HSP90B1: variants seen among roughly 807,000 people sequenced by gnomAD.
HSP90B1 encodes the protein heat shock protein 90 beta family member 1.
HSP90B1 carries 27 observed loss-of-function variants against 100.4 expected under a neutral mutation model. That is an observed-to-expected ratio of 0.27 (90% CI 0.20 to 0.37). The LOEUF (loss-of-function observed/expected upper bound fraction) is 0.37, where lower values mean the gene tolerates loss of function less well. Among genes scored for constraint, HSP90B1 ranks in the 10% least tolerant of loss-of-function variants. HSP90B1 has a pLI of 1.00. For missense variants in HSP90B1, 678 were observed against 960.5 expected (o/e 0.71, Z 3.89); for synonymous variants, 304 against 330.8 (o/e 0.92, Z 0.88).
At chr12:103,941,954 C>CA (rs1303380796) in intron 11 of HSP90B1, 57 bp downstream of exon 11, 1 of 1,316,844 alleles carries the variant, frequency 7.6e-7, no homozygotes, top group Non-Finnish European at 1.1e-6. Flanking sequence ...GTTCAGAGGA[C>CA]AGGCTCCATT....
chr12:103,946,654 T>TC lies in HSP90B1; in HGVS notation c.2067dup (p.Arg690GlnfsTer13). 1 of 1,614,050 alleles carries TC rather than the reference T, an allele frequency of 6.2e-7. No individual in the cohort carries two copies. The highest frequency in any genetic ancestry group is 8.5e-7 in the Non-Finnish European group (1 of 1,179,910). ...GTCAGAAGAAAACATTTGAAATTAA[T>TC]CCCAGACACCCGCTGATCAGAGACA... On this transcript the variant is annotated frameshift_variant, in exon 15 of 18. Transcript: ENST00000299767. LOFTEE classifies it high-confidence loss of function.
intron 7 of HSP90B1, chr12:103,938,740 A>T (rs751001852): frequency 5.6e-5 from 10 of 178,318 alleles, no homozygotes; most frequent in Non-Finnish European, 9.4e-5. Context: ...AATCTTAAAA[A>T]GCCTTCTGAG....
At chr12:103,942,289 AG>A (rs1870102106) in intron 11 of HSP90B1, among the ~76,000 whole-genome samples, 1 of 152,200 alleles carries the variant, frequency 6.6e-6, no homozygotes, top group Admixed American at 6.5e-5. Flanking sequence ...CTAGAGAGAG[AG>A]TATCACTGAG....
At chr12:103,933,115 G>C (rs1473859107) in intron 4 of HSP90B1, among the ~76,000 whole-genome samples, 173 bp downstream of exon 4, 2 of 152,206 alleles carry the variant, frequency 1.3e-5, no homozygotes, top group Non-Finnish European at 2.9e-5. Flanking sequence ...GTTTTTCTAA[G>C]TAGTTTTATT....
rs767871489 is a variant in HSP90B1, at chr12:103,930,577, G to A, written c.49+13G>A. The A allele has an allele frequency of 1.9e-6, 3 of 1,606,406 alleles. No individual in the cohort carries two copies. In the South Asian group the frequency reaches 3.3e-5, roughly 18 times the overall value. ...CTGCTGACCTTCGGTGAGTGATTCT[G>A]GAGGAGCAGACGTCCCCCCTCCACA... On this transcript the variant is annotated intron_variant, in intron 1 of 17. Coordinates refer to ENST00000299767, the MANE Select transcript of HSP90B1 (RefSeq NM_003299.3). The surrounding 1 kb of genome is among the most constrained non-coding windows in gnomAD (Gnocchi z 4.4).
At chr12:103,941,585 G>C (rs1265079141) in intron 9 of HSP90B1, 38 bp downstream of exon 9, 2 of 1,613,692 alleles carry the variant, frequency 1.2e-6, no homozygotes, top group African/African-American at 2.7e-5. Flanking sequence ...TTTAAAATTT[G>C]AAAGTTTAAT....
In HSP90B1 at chr12:103,938,464, G is replaced by A; in HGVS notation, c.975+5G>A. 1 of 1,609,224 alleles carries A rather than the reference G, an allele frequency of 6.2e-7. No individual in the cohort carries two copies. The highest frequency in any genetic ancestry group is 8.5e-7 in the Non-Finnish European group (1 of 1,178,082). ...AAGAAACCAAAGACTAAAAAAGTAA[G>A]TCTGGTTTATCTCCCTGCATAAGAT... On this transcript the variant is annotated splice_donor_5th_base_variant and intron_variant, in intron 7 of 17. Transcript: ENST00000299767.
chr12:103,943,043 T>C lies in HSP90B1; in HGVS notation c.1645-31T>C, dbSNP rs201242253. 1.2e-3 allele frequency: 1,900 copies of C among 1,610,598 alleles called. 26 individuals carry two copies. Among genetic ancestry groups the C allele is most frequent in the South Asian group, 0.011 (1,004 of 90,518 alleles). On this transcript the variant is annotated intron_variant, in intron 12 of 17. Coordinates refer to ENST00000299767, the MANE Select transcript of HSP90B1 (RefSeq NM_003299.3). The surrounding 1 kb of genome is among the most constrained non-coding windows in gnomAD (Gnocchi z 5.3). ...TAAACAAATACACCAGGGCCAGACT[T>C]GGAAAACTTTGTGACTTCTTAATTT...
In HSP90B1 at chr12:103,943,918, C is replaced by A. The variant is rs749880115; in HGVS notation, c.2027+44C>A. On this transcript the variant is annotated intron_variant, in intron 14 of 17. Transcript: ENST00000299767. This position sits in a 1 kb window ranked among gnomAD's most constrained non-coding sequence, Gnocchi z 5.3. Reference sequence around the variant, plus strand: ...GTCCCTGCCAGGGCGTTGCCCCTTACCCAATCTTTGTTTTGGAGATAATAC... The same window carrying A: ...GTCCCTGCCAGGGCGTTGCCCCTTAACCAATCTTTGTTTTGGAGATAATAC... The A allele has an allele frequency of 1.9e-5, 30 of 1,568,922 alleles. No homozygotes were observed. The South Asian group carries it at 3.0e-4, about 16-fold the overall frequency.
chr12:103,938,479 C>G lies in HSP90B1; in HGVS notation c.975+20C>G, dbSNP rs146079076. The G allele has an allele frequency of 1.3e-3, 2,026 of 1,604,686 alleles. 1 individual carries two copies. Among genetic ancestry groups the G allele is most frequent in the Non-Finnish European group, 1.6e-3 (1,927 of 1,176,394 alleles). ...AAAAAAGTAAGTCTGGTTTATCTCC[C>G]TGCATAAGATATTGTTTAACATGTA... On this transcript the variant is annotated intron_variant, in intron 7 of 17. Coordinates refer to ENST00000299767, the MANE Select transcript of HSP90B1 (RefSeq NM_003299.3).
chr12:103,943,870 A>G lies in HSP90B1; in HGVS notation c.2023A>G (p.Thr675Ala). The G allele has an allele frequency of 6.2e-7, 1 of 1,613,020 alleles. No homozygotes were observed. The highest frequency in any genetic ancestry group is 8.5e-7 in the Non-Finnish European group (1 of 1,179,592). The change falls in exon 14 of 18, where the codon ACA becomes GCA. Residue 675 changes from threonine (T) to alanine (A), a missense_variant. Thr to Ala is a moderately conservative substitution (Grantham distance 58). Transcript: ENST00000299767. This position sits in a 1 kb window ranked among gnomAD's most constrained non-coding sequence, Gnocchi z 5.3. ...QAYQTGKDIS[T>A]NYYASQKKTF... ...GTACCAAACGGGCAAGGACATCTCT[A>G]CAAAGTAAGCATCCTCGGGAAAGTC...
chr12:103,942,489 T>G, intron 11 of HSP90B1, 38 bp from the exon 12 acceptor site: 1 of 1,594,320 alleles, frequency 6.3e-7, no homozygotes, highest in Non-Finnish European at 8.6e-7. Context: ...AAGTTGGAGA[T>G]TAACTTCTCT....
In HSP90B1 at chr12:103,939,676, A is replaced by G. The variant is rs1257114151; in HGVS notation, c.1092+51A>G. The G allele has an allele frequency of 4.9e-6, 4 of 815,570 alleles. No individual in the cohort carries two copies. The African/African-American group carries it at 7.1e-5, about 14-fold the overall frequency. 50.5% of individuals were successfully genotyped at this position (815,570 alleles called of 1,614,324 possible). ...CTGGTTATTAATGAATAGACAAAAT[A>G]TCACCCTCTTAGTTTAATTGTATAT... is the stretch of plus-strand genomic sequence containing the variant. On this transcript the variant is annotated intron_variant, in intron 8 of 17. Transcript: ENST00000299767.
Position 103,942,548 on chromosome 12 carries a change from C to A in HSP90B1, c.1396C>A (p.Arg466Ser). ...LLKVIRKKLV[R>S]KTLDMIKKIA... Reference sequence around the variant, plus strand: ...TTAGGTGATTAGGAAGAAGCTTGTTCGTAAAACGCTGGACATGATCAAGAA... The same window carrying A: ...TTAGGTGATTAGGAAGAAGCTTGTTAGTAAAACGCTGGACATGATCAAGAA... The change falls in exon 12 of 18, where the codon CGT (arginine) becomes AGT (serine). Residue 466 changes from arginine (R) to serine (S), a missense_variant. Physicochemically the swap from Arg to Ser is moderately radical, Grantham distance 110 (BLOSUM62 -1). Coordinates refer to ENST00000299767, the MANE Select transcript of HSP90B1 (RefSeq NM_003299.3). 1 of 1,613,718 alleles carries A rather than the reference C, an allele frequency of 6.2e-7. No individual in the cohort carries two copies. The highest frequency in any genetic ancestry group is 1.1e-5 in the South Asian group (1 of 91,020).
rs371679890 is a variant in HSP90B1 at position 103,943,666 on chromosome 12, C to G, written c.1891-72C>G. 16 of 1,411,860 alleles carry G rather than the reference C, an allele frequency of 1.1e-5. No individual in the cohort carries two copies. In the Admixed American group the frequency reaches 1.4e-4, roughly 12 times the overall value. The allele number at this position is 1,411,860 out of a possible 1,614,324, so 87.5% of individuals were successfully genotyped here. On this transcript the variant is annotated intron_variant, in intron 13 of 17. Coordinates refer to ENST00000299767, the MANE Select transcript of HSP90B1 (RefSeq NM_003299.3). This position sits in a 1 kb window ranked among gnomAD's most constrained non-coding sequence, Gnocchi z 5.3. ...TGATCTTAAGTGATAAAGTCTTAGA[C>G]AGTTGAAAGACAATTGCTCAATGAC... is the stretch of plus-strand genomic sequence containing the variant.
chr12:103,930,899 A>G lies in HSP90B1; in HGVS notation c.49+335A>G, dbSNP rs962666131. 8.8e-5 allele frequency among the ~76,000 whole-genome samples: 11 copies of G among 125,450 alleles called. No individual in the cohort carries two copies. The highest frequency in any genetic ancestry group is 3.3e-4 in the Admixed American group (4 of 12,200). The allele number at this position is 125,450 out of a possible 152,430, so 82.3% of individuals were successfully genotyped here. On this transcript the variant is annotated intron_variant, in intron 1 of 17. Transcript: ENST00000299767. The surrounding 1 kb of genome is among the most constrained non-coding windows in gnomAD (Gnocchi z 4.4). ...CCCCGCCCGGAGGACTTTTTCGGCC[A>G]CCGCAACCTTCGGCCATCCCAGCTT...
At position 103,943,582 on chromosome 12, in the gene HSP90B1, C is replaced by T; in HGVS notation, c.1891-156C>T. On this transcript the variant is annotated intron_variant, in intron 13 of 17. Coordinates refer to ENST00000299767, the MANE Select transcript of HSP90B1 (RefSeq NM_003299.3). This position sits in a 1 kb window ranked among gnomAD's most constrained non-coding sequence, Gnocchi z 5.3. ...AAAATTCAGATTATCAAGTAAGTGC[C>T]CCTACAAATTCTCCTAAACCTTAAG... 1 of 744,418 alleles carries T rather than the reference C, an allele frequency of 1.3e-6. No homozygotes were observed. Among genetic ancestry groups the T allele is most frequent in the Non-Finnish European group, 2.1e-6 (1 of 476,952 alleles). The allele number at this position is 744,418 out of a possible 1,614,324, so 46.1% of individuals were successfully genotyped here. A position where few individuals can be genotyped will look rare whatever the true frequency, so the allele number is the denominator to read the frequency against.
intron 7 of HSP90B1, among the ~76,000 whole-genome samples, 175 bp from the exon 8 acceptor site, chr12:103,939,334 C>T (rs980485741): frequency 1.1e-4 from 17 of 149,512 alleles, no homozygotes; most frequent in African/African-American, 4.3e-4. Flanking sequence ...AACTCCTAGG[C>T]TCAAACAGTT....
chr12:103,942,993 T>C (rs1870121495), intron 12 of HSP90B1, 81 bp from the exon 13 acceptor site: 5 of 1,545,526 alleles, frequency 3.2e-6, no homozygotes, highest in Non-Finnish European at 4.4e-6. Context: ...TTTTTAATAA[T>C]GTATAAACAT....
Sources: gnomAD v4.1 joint callset for allele counts (sites outside exome capture counted in the v4.1 genomes callset) on GRCh38, gnomAD v4.1.1 for gene constraint, Gnocchi (gnomAD v3.1) non-coding constraint, MANE v1.5 for transcripts, NCBI Gene and HGNC (gene_info 2026-07-23, HGNC 2026-07-21) for gene names.